The following VPS37A variants were observed in gnomAD, a reference collection of about 807,000 sequenced individuals.
VPS37A encodes VPS37A subunit of ESCRT-I, also known as vacuolar protein sorting-associated protein 37A.
Under a neutral mutation model 49.8 loss-of-function variants are expected in VPS37A, and 30 were observed. That is an observed-to-expected ratio of 0.60 (90% CI 0.45 to 0.82). The LOEUF (loss-of-function observed/expected upper bound fraction) is 0.82, where lower values mean the gene tolerates loss of function less well. Ranked by LOEUF, VPS37A falls within the 40% of genes least tolerant of loss-of-function variation. The pLI is 0.00. For synonymous variants in VPS37A, 195 were observed against 160.6 expected (o/e 1.21, Z -1.62); for missense variants, 593 against 464.4 (o/e 1.28, Z -2.55).
chr8:17,298,789 A>G (rs2285271), downstream of VPS37A: 54,397 of 152,278 alleles, frequency 0.36, 10,327 homozygotes, highest in Middle Eastern at 0.46. Context: ...TAGGGGAGGG[A>G]CTCTCCCTTA....
the VPS37A span, among the ~76,000 whole-genome samples, chr8:17,312,741 G>C: frequency 6.6e-6 from 1 of 151,798 alleles, no homozygotes; most frequent in South Asian, 2.1e-4. Flanking sequence ...CTCAAAACAG[G>C]GAACATACCA....
chr8:17,305,575 C>G (rs1460392921), downstream of VPS37A, among the ~76,000 whole-genome samples: 1 of 152,100 alleles, frequency 6.6e-6, no homozygotes, highest in Non-Finnish European at 1.5e-5. Flanking sequence ...ATTTATCTGT[C>G]AGTTGATGAC....
intron 6 of VPS37A, chr8:17,279,615 TAAC>T (rs1221372831): frequency 7.0e-6 from 2 of 283,792 alleles, no homozygotes; most frequent in African/African-American, 4.5e-5. Context: ...AAAAAATACT[TAAC>T]TATATTACTG....
At chr8:17,279,990 T>C in intron 6 of VPS37A, 38 bp from the exon 7 acceptor site, 1 of 1,607,464 alleles carries the variant, frequency 6.2e-7, no homozygotes, top group Non-Finnish European at 8.5e-7. Context: ...AAACTCGATG[T>C]CTGATATTTA....
At chr8:17,290,567 G>A (rs113394656) in intron 11 of VPS37A, among the ~76,000 whole-genome samples, 157 of 152,274 alleles carry the variant, frequency 1.0e-3, no homozygotes, top group African/African-American at 3.6e-3. Context: ...ATGCGCTGCT[G>A]GATTCAGTTT....
Position 17,260,456 on chromosome 8 carries a change from T to C in VPS37A, c.126-5451T>C, listed in dbSNP as rs368770368. On this transcript the variant is annotated intron_variant, in intron 1 of 11. Transcript: ENST00000324849. ...ATTGTTGTTTTTGATAGATTTTTAT[T>C]TTGGGCCTCATACTGGAATTATAAG... Among the ~76,000 whole-genome samples, 3 of 152,156 alleles carry C rather than the reference T, an allele frequency of 2.0e-5. No individual in the cohort carries two copies. In the South Asian group the frequency reaches 6.2e-4, roughly 31 times the overall value.
At chr8:17,303,445 T>A (rs992902616), downstream of VPS37A, among the ~76,000 whole-genome samples, 4 of 152,108 alleles carry the variant, frequency 2.6e-5, no homozygotes, top group Admixed American at 6.5e-5. Flanking sequence ...AGATGGGGTT[T>A]CTGTTTATTC....
At chr8:17,282,952 TACTC>T (rs933492527) in intron 9 of VPS37A, among the ~76,000 whole-genome samples, 1 of 152,204 alleles carries the variant, frequency 6.6e-6, no homozygotes, top group Non-Finnish European at 1.5e-5. Flanking sequence ...ACATAATAGG[TACTC>T]AATAAATATT....
chr8:17,257,217 T>A (rs1391070455), intron 1 of VPS37A, among the ~76,000 whole-genome samples: 1 of 152,182 alleles, frequency 6.6e-6, no homozygotes, highest in Non-Finnish European at 1.5e-5. Context: ...GGTGCTTTTG[T>A]TAAGATGAGT....
intron 1 of VPS37A, among the ~76,000 whole-genome samples, chr8:17,251,216 A>G (rs965416646): frequency 6.6e-6 from 1 of 152,134 alleles, no homozygotes; most frequent in Non-Finnish European, 1.5e-5. Flanking sequence ...ACTCTTGGTT[A>G]GTGGGAGTTG....
At chr8:17,269,093 A>G in intron 4 of VPS37A, 137 bp downstream of exon 4, 1 of 619,114 alleles carries the variant, frequency 1.6e-6, no homozygotes, top group Non-Finnish European at 2.7e-6. Flanking sequence ...ATACTTTCAG[A>G]GGCAACTGTT....
At chr8:17,325,477 G>C in the VPS37A span, among the ~76,000 whole-genome samples, 2 of 152,292 alleles carry the variant, frequency 1.3e-5, 1 homozygote, top group African/African-American at 4.8e-5. Flanking sequence ...ATTTTTTTAA[G>C]TGGTTCTATT....
rs768063367 is a variant in VPS37A at position 17,297,213 on chromosome 8, C to T, written c.*2227C>T. ...AGGAGTTACTAGGCTAATCAGTGTACGAATTTGTCATAGGTAGAGATTTAA... is the reference window on the plus strand; with the variant it reads ...AGGAGTTACTAGGCTAATCAGTGTATGAATTTGTCATAGGTAGAGATTTAA... On this transcript the variant is annotated 3_prime_UTR_variant, in exon 12 of 12. Transcript: ENST00000324849. 1.2e-4 allele frequency: 18 copies of T among 151,922 alleles called. No individual in the cohort carries two copies. The highest frequency in any genetic ancestry group is 2.4e-4 in the Non-Finnish European group (16 of 67,972). The allele number at this position is 151,922 out of a possible 1,614,324, so 9.4% of individuals were successfully genotyped here.
At chr8:17,266,816 C>T (rs1193487613) in intron 2 of VPS37A, among the ~76,000 whole-genome samples, 1 of 152,168 alleles carries the variant, frequency 6.6e-6, no homozygotes, top group Admixed American at 6.5e-5. Flanking sequence ...CTCTGTCGCC[C>T]AGACTGGAGT....
chr8:17,265,328 G>C (rs1813344284), intron 1 of VPS37A, among the ~76,000 whole-genome samples: 1 of 152,196 alleles, frequency 6.6e-6, no homozygotes, highest in African/African-American at 2.4e-5. Flanking sequence ...TACTGGATGG[G>C]ATTTAAGTCT....
chr8:17,308,426 T>C, the VPS37A span, among the ~76,000 whole-genome samples: 5 of 152,098 alleles, frequency 3.3e-5, no homozygotes, highest in Admixed American at 6.5e-5. Context: ...ATTAGAAAAA[T>C]AGAATTCCTG....
chr8:17,247,960 T>C, intron 1 of VPS37A: 1 of 585,908 alleles, frequency 1.7e-6, no homozygotes, highest in Non-Finnish European at 3.0e-6. Flanking sequence ...TCTCACTTCT[T>C]TCATAGTCTT....
intron 1 of VPS37A, 49 bp downstream of exon 1, chr8:17,247,418 C>A: frequency 1.5e-5 from 2 of 134,002 alleles, no homozygotes; most frequent in Non-Finnish European, 2.3e-5. Flanking sequence ...GGTGGGAGGG[C>A]GGGCTTGTCC....
rs527882860 is a variant in VPS37A at position 17,268,497 on chromosome 8, GA to G, written c.315+127del. On this transcript the variant is annotated intron_variant, in intron 3 of 11. Transcript: ENST00000324849. ...GTCATGAGTACTTTTTTTAAAAATT[GA>G]ATATTTAAGACTACGCCTTAAAGTT... The G allele has an allele frequency of 6.0e-4, 412 of 688,474 alleles. 1 individual carries two copies. In the Middle Eastern group the frequency reaches 0.015, roughly 24 times the overall value. 42.6% of individuals were successfully genotyped at this position (688,474 alleles called of 1,614,324 possible).
Sources: allele counts gnomAD v4.1 joint callset (sites outside exome capture counted in the v4.1 genomes callset), GRCh38; gene constraint gnomAD v4.1.1; transcripts MANE v1.5; gene names NCBI Gene and HGNC (gene_info 2026-07-23, HGNC 2026-07-21).